Variants in RPS9 observed in about 807,000 individuals in gnomAD.
The protein encoded by RPS9 is small ribosomal subunit protein uS4.
A neutral mutation model predicts 16.9 loss-of-function variants in RPS9; 1 was observed. The observed-to-expected ratio is 0.06, with a 90% CI of 0.02 to 0.28. The LOEUF is 0.28. Ranked by LOEUF, RPS9 falls within the 10% of genes least tolerant of loss-of-function variation. The probability of loss-of-function intolerance (pLI) is 1.00; values close to 1 mark genes in which losing one functional copy is unlikely to be tolerated. For missense variants in RPS9, 137 were observed against 273.2 expected (o/e 0.50, Z 3.51); for synonymous variants, 106 against 110.9 (o/e 0.96, Z 0.28).
rs566625686 is a variant in RPS9, at chr19:54,200,860, C to T, written c.-54C>T. 121 of 1,115,184 alleles carry T rather than the reference C, an allele frequency of 1.1e-4. No individual in the cohort carries two copies. The South Asian group carries it at 2.2e-3, about 20-fold the overall frequency. The allele number at this position is 1,115,184 out of a possible 1,614,324, so 69.1% of individuals were successfully genotyped here. A position where few individuals can be genotyped will look rare whatever the true frequency, so the allele number is the denominator to read the frequency against. On this transcript the variant is annotated 5_prime_UTR_variant, in exon 1 of 5. Coordinates refer to ENST00000302907, the MANE Select transcript of RPS9 (RefSeq NM_001013.4). ...GCGCAGCCGTGGCGCTTCCGCGCCT[C>T]TTTCTCAGTGACCGGGTGGTTTGCT...
chr19:54,203,270 GT>G (rs1240656371), intron 3 of RPS9: 1 of 985,166 alleles, frequency 1.0e-6, no homozygotes, highest in Non-Finnish European at 1.2e-6. Context: ...GTACACAGTT[GT>G]TCAGGTGAGT....
chr19:54,202,468 C>A, intron 3 of RPS9: 10 of 985,270 alleles, frequency 1.0e-5, no homozygotes, highest in Non-Finnish European at 1.2e-5. Flanking sequence ...CAGGAGAGAA[C>A]CTGTAAAATG....
At chr19:54,202,991 C>T (rs1413428826) in intron 3 of RPS9, 4 of 978,432 alleles carry the variant, frequency 4.1e-6, no homozygotes, top group Non-Finnish European at 4.9e-6. Flanking sequence ...AGCCACCGCA[C>T]CTGACCCTTT....
At chr19:54,205,794 A>G (rs1337789575) in intron 3 of RPS9, among the ~76,000 whole-genome samples, 3 of 152,144 alleles carry the variant, frequency 2.0e-5, no homozygotes, top group South Asian at 2.1e-4. Context: ...TGATGACCTG[A>G]CAACCATAGG....
chr19:54,204,085 TCAA>T (rs1402774825), intron 3 of RPS9, among the ~76,000 whole-genome samples: 8 of 151,942 alleles, frequency 5.3e-5, no homozygotes, highest in Non-Finnish European at 8.8e-5. Context: ...GATAGATGGT[TCAA>T]TAAATGTGGG....
At chr19:54,202,998 C>G in intron 3 of RPS9, 1 of 981,594 alleles carries the variant, frequency 1.0e-6, no homozygotes, top group Non-Finnish European at 1.2e-6. Context: ...GCACCTGACC[C>G]TTTCATTCTT....
chr19:54,206,605 C>T (rs1398492283), intron 4 of RPS9, 143 bp downstream of exon 4: 1 of 1,551,892 alleles, frequency 6.4e-7, no homozygotes, highest in African/African-American at 1.4e-5. Context: ...TTCACCCTTG[C>T]ACACAGCTCA....
intron 3 of RPS9, chr19:54,203,252 C>T (rs111283679): frequency 0.036 from 35,256 of 984,504 alleles, 734 homozygotes; most frequent in Non-Finnish European, 0.039. Context: ...AGTGAAAATT[C>T]CCAAGGGGTA....
At chr19:54,202,284 C>G (rs748860339) in intron 3 of RPS9, 6 of 288,300 alleles carry the variant, frequency 2.1e-5, no homozygotes, top group Non-Finnish European at 3.1e-5. Context: ...CTCCAGAGTT[C>G]AAGCGATTCT....
chr19:54,201,875 C>T (rs1018290497), intron 3 of RPS9: 1 of 579,166 alleles, frequency 1.7e-6, no homozygotes. Context: ...CACACCTGGG[C>T]ACCCGTCTAT....
Position 54,204,519 on chromosome 19 carries a change from C to T in RPS9, c.221-1757C>T, listed in dbSNP as rs80113637. On this transcript the variant is annotated intron_variant, in intron 3 of 4. Transcript: ENST00000302907. The stretch of plus-strand genomic sequence containing the variant: ...CCTGTGCTTAAGTGATCCTCCTCAG[C>T]TCTAGTAGCTGGGACCACAATCCAC... Among the ~76,000 whole-genome samples the T allele has an allele frequency of 2.4e-3, 369 of 152,274 alleles. 9 individuals are homozygous for T. In the East Asian group the frequency reaches 0.062, roughly 26 times the overall value.
At chr19:54,202,528 A>C in intron 3 of RPS9, 1 of 978,746 alleles carries the variant, frequency 1.0e-6, no homozygotes, top group South Asian at 4.7e-5. Context: ...CATGCAGATC[A>C]CATAGACTTA....
intron 3 of RPS9, among the ~76,000 whole-genome samples, chr19:54,204,055 T>A (rs976079012): frequency 1.3e-5 from 2 of 152,152 alleles, no homozygotes; most frequent in Non-Finnish European, 2.9e-5. Flanking sequence ...TGTGGCTGAC[T>A]CTCCTGTTCT....
At position 54,201,751 on chromosome 19, in the gene RPS9, G is replaced by A. The variant is rs36614; in HGVS notation, c.220+142G>A. 0.014 allele frequency: 19,761 copies of A among 1,461,042 alleles called. 1,516 individuals are homozygous for A. In the East Asian group the frequency reaches 0.25, roughly 18 times the overall value. The allele number at this position is 1,461,042 out of a possible 1,614,324, so 90.5% of individuals were successfully genotyped here. ...CTTCTAACTTTTAGTGGCACTTGTGGAGTAGGAAAAGTGTATCTGGATCAG... is the reference window on the plus strand; with the variant it reads ...CTTCTAACTTTTAGTGGCACTTGTGAAGTAGGAAAAGTGTATCTGGATCAG... On this transcript the variant is annotated intron_variant, in intron 3 of 4. Coordinates refer to ENST00000302907, the MANE Select transcript of RPS9 (RefSeq NM_001013.4).
chr19:54,201,025 G>A, intron 1 of RPS9, 135 bp from the exon 2 acceptor site: 3 of 1,464,312 alleles, frequency 2.0e-6, no homozygotes, highest in South Asian at 2.8e-5. Context: ...CGGTTGTGGG[G>A]GCAGATACTG....
At chr19:54,202,849 G>A (rs2077106990) in intron 3 of RPS9, 1 of 985,280 alleles carries the variant, frequency 1.0e-6, no homozygotes, top group Non-Finnish European at 1.2e-6. Context: ...TTTGTCCCAG[G>A]CTTGCAGATG....
Position 54,207,280 on chromosome 19 carries a change from C to T in RPS9, c.408-118C>T, listed in dbSNP as rs965274272. ...GATCAGGTGCACCCTTCCTGCAGCG[C>T]CTTGGTGTCTGCAGCCGTGGCGGCC... On this transcript the variant is annotated intron_variant, in intron 4 of 4. Transcript: ENST00000302907. 4.9e-6 allele frequency: 4 copies of T among 822,064 alleles called. No homozygotes were observed. In the African/African-American group the frequency reaches 6.8e-5, roughly 14 times the overall value. The allele number at this position is 822,064 out of a possible 1,614,324, so 50.9% of individuals were successfully genotyped here. A position where few individuals can be genotyped will look rare whatever the true frequency, so the allele number is the denominator to read the frequency against.
In RPS9 at chr19:54,207,251, G is replaced by A. The variant is rs73936635; in HGVS notation, c.408-147G>A. 651 of 643,106 alleles carry A rather than the reference G, an allele frequency of 1.0e-3. 5 individuals are homozygous for A. In the African/African-American group the frequency reaches 0.011, roughly 11 times the overall value. 39.8% of individuals were successfully genotyped at this position (643,106 alleles called of 1,614,324 possible). On this transcript the variant is annotated intron_variant, in intron 4 of 4. Transcript: ENST00000302907. Reference sequence around the variant, plus strand: ...TACCCTAAAACCCCGGAGGGCGCACGTAGGATCAGGTGCACCCTTCCTGCA... The same window carrying A: ...TACCCTAAAACCCCGGAGGGCGCACATAGGATCAGGTGCACCCTTCCTGCA...
Position 54,200,886 on chromosome 19 carries a change from T to G in RPS9, c.-28T>G, listed in dbSNP as rs2077017112. The stretch of plus-strand genomic sequence containing the variant: ...TTTCTCAGTGACCGGGTGGTTTGCT[T>G]AGGTGAGGTGCGGTGGTGTGCTTTT... On this transcript the variant is annotated splice_region_variant and 5_prime_UTR_variant, in exon 1 of 5. Coordinates refer to ENST00000302907, the MANE Select transcript of RPS9 (RefSeq NM_001013.4). 1.7e-6 allele frequency: 2 copies of G among 1,198,146 alleles called. No individual in the cohort carries two copies. Among genetic ancestry groups the G allele is most frequent in the Non-Finnish European group, 1.0e-6 (1 of 959,770 alleles). The allele number at this position is 1,198,146 out of a possible 1,614,324, so 74.2% of individuals were successfully genotyped here.
Sources: allele counts gnomAD v4.1 joint callset (sites outside exome capture counted in the v4.1 genomes callset), GRCh38; gene constraint gnomAD v4.1.1; transcripts MANE v1.5; gene names NCBI Gene and HGNC (gene_info 2026-07-23, HGNC 2026-07-21).